Variants in VRK1 observed in about 807,000 individuals in gnomAD.
VRK1 encodes VRK serine/threonine kinase 1.
A neutral mutation model predicts 57.1 loss-of-function variants in VRK1; 33 were observed. That is an observed-to-expected ratio of 0.58 (90% CI 0.44 to 0.77). VRK1 has a LOEUF of 0.77. Among genes scored for constraint, VRK1 ranks in the 30% least tolerant of loss-of-function variants. The pLI, the probability that VRK1 is intolerant of heterozygous loss-of-function variation, is 0.00. For synonymous variants in VRK1, 137 were observed against 147.8 expected, an observed-to-expected ratio of 0.93 and a Z score of 0.53; for missense variants, 413 against 477.3, an observed-to-expected ratio of 0.87 and a Z score of 1.25.
At chr14:96,827,673 T>C (rs921703933) in intron 1 of VRK1, among the ~76,000 whole-genome samples, 1 of 152,216 alleles carries the variant, frequency 6.6e-6, no homozygotes, top group Non-Finnish European at 1.5e-5. Context: ...TAGTTCCATA[T>C]TCCTTCAAAT....
chr14:96,876,637 AG>A (rs1889042709), intron 12 of VRK1, among the ~76,000 whole-genome samples: 1 of 152,206 alleles, frequency 6.6e-6, no homozygotes, highest in African/African-American at 2.4e-5. Context: ...AGTGAGTGTC[AG>A]GGGTCAGACA....
At chr14:96,804,638 C>T (rs1454963317) in intron 1 of VRK1, among the ~76,000 whole-genome samples, 3 of 152,144 alleles carry the variant, frequency 2.0e-5, no homozygotes. Context: ...TAGGAAGGTG[C>T]TGTATATTCT....
chr14:96,876,380 G>T (rs1194846867), intron 12 of VRK1, among the ~76,000 whole-genome samples: 2 of 152,124 alleles, frequency 1.3e-5, no homozygotes, highest in African/African-American at 4.8e-5. Flanking sequence ...TTAAATGGCA[G>T]AGCTGCCAGG....
intron 1 of VRK1, among the ~76,000 whole-genome samples, chr14:96,808,803 T>A (rs1886029123): frequency 6.6e-6 from 1 of 152,222 alleles, no homozygotes; most frequent in Non-Finnish European, 1.5e-5. Context: ...TTTTGATTAT[T>A]GGTTATTGCG....
intron 1 of VRK1, among the ~76,000 whole-genome samples, chr14:96,798,254 A>G (rs1358423646): frequency 6.6e-6 from 1 of 152,182 alleles, no homozygotes; most frequent in East Asian, 1.9e-4. Flanking sequence ...TTGCAGCTCC[A>G]TTCAGGGGCA....
At chr14:96,849,663 A>G (rs1887871822) in intron 5 of VRK1, among the ~76,000 whole-genome samples, 1 of 152,218 alleles carries the variant, frequency 6.6e-6, no homozygotes, top group Non-Finnish European at 1.5e-5. Flanking sequence ...TAAGGGGCAC[A>G]GAGTAAGTGC....
At chr14:96,842,931 C>G (rs556196348) in intron 3 of VRK1, among the ~76,000 whole-genome samples, 1 of 152,124 alleles carries the variant, frequency 6.6e-6, no homozygotes. Flanking sequence ...TTAATGTGGA[C>G]GCTTTGTCAA....
chr14:96,799,807 C>T (rs528883066), intron 1 of VRK1, among the ~76,000 whole-genome samples: 6 of 152,216 alleles, frequency 3.9e-5, no homozygotes, highest in Admixed American at 2.0e-4. Context: ...GGTTATTTTT[C>T]GGAGTAAGGA....
intron 3 of VRK1, among the ~76,000 whole-genome samples, chr14:96,841,057 T>G (rs901520785): frequency 6.6e-6 from 1 of 151,932 alleles, no homozygotes; most frequent in Non-Finnish European, 1.5e-5. Flanking sequence ...GAGGTCTTGC[T>G]TTGTTGCCCA....
chr14:96,838,364 A>T (rs1008304116), intron 3 of VRK1, among the ~76,000 whole-genome samples: 3 of 152,176 alleles, frequency 2.0e-5, no homozygotes, highest in African/African-American at 7.2e-5. Flanking sequence ...CATACTTCTA[A>T]TAGCCAGATC....
chr14:96,856,583 C>A lies in VRK1; in HGVS notation c.886C>A (p.Pro296Thr). Reference sequence around the variant, plus strand: ...CAAATGTTTTCCTGAGAAAAACAAACCAGGTAGGAAATGACTTCTTCAGTG... The same window carrying A: ...CAAATGTTTTCCTGAGAAAAACAAAACAGGTAGGAAATGACTTCTTCAGTG... ...MDKCFPEKNK[P>T]GEIAKYMETV... is the part of the protein sequence containing the mutation. The change falls in exon 10 of 13, where the codon CCA (proline) becomes ACA (threonine). Residue 296 changes from proline (P) to threonine (T), a missense_variant. This residue lies in a region of VRK1 where 146 missense variants were observed against 138.2 expected (regional missense o/e 1.06). Transcript: ENST00000216639. 2 of 1,612,934 alleles carry A rather than the reference C, an allele frequency of 1.2e-6. No individual in the cohort carries two copies. The highest frequency in any genetic ancestry group is 1.7e-6 in the Non-Finnish European group (2 of 1,179,138).
chr14:96,804,039 A>G lies in VRK1; in HGVS notation c.-6+6592A>G, dbSNP rs751981626. Reference sequence around the variant, plus strand: ...AAGTTTCAAATTTTGTTAAAGTCCAACTTCTCAATATATGGATCGTGTTTT... The same window carrying G: ...AAGTTTCAAATTTTGTTAAAGTCCAGCTTCTCAATATATGGATCGTGTTTT... On this transcript the variant is annotated intron_variant, in intron 1 of 12. Transcript: ENST00000216639. Among the ~76,000 whole-genome samples, 15 of 152,304 alleles carry G rather than the reference A, an allele frequency of 9.8e-5. 1 individual carries two copies. The highest frequency in any genetic ancestry group is 3.1e-4 in the African/African-American group (13 of 41,566).
intron 3 of VRK1, among the ~76,000 whole-genome samples, chr14:96,845,096 C>T (rs1887627394): frequency 6.6e-6 from 1 of 152,134 alleles, no homozygotes; most frequent in Non-Finnish European, 1.5e-5. Flanking sequence ...CTCCAGTTAA[C>T]CAAGATATTC....
chr14:96,803,858 A>G (rs1358397463), intron 1 of VRK1, among the ~76,000 whole-genome samples: 1 of 151,938 alleles, frequency 6.6e-6, no homozygotes, highest in Admixed American at 6.6e-5. Flanking sequence ...CAAGTCTTTT[A>G]CCCGTTTTGT....
At chr14:96,824,937 GCC>G (rs1886745906) in intron 1 of VRK1, among the ~76,000 whole-genome samples, 1 of 152,172 alleles carries the variant, frequency 6.6e-6, no homozygotes, top group Admixed American at 6.5e-5. Flanking sequence ...ACAGGTGTGA[GCC>G]ACCGCACCCG....
intron 1 of VRK1, among the ~76,000 whole-genome samples, chr14:96,814,153 G>A (rs927479850): frequency 2.6e-5 from 4 of 152,138 alleles, no homozygotes; most frequent in African/African-American, 9.7e-5. Context: ...GCAAAAATAA[G>A]TGATCATATT....
At chr14:96,845,487 A>G (rs1887644316) in intron 3 of VRK1, among the ~76,000 whole-genome samples, 1 of 152,232 alleles carries the variant, frequency 6.6e-6, no homozygotes, top group African/African-American at 2.4e-5. Flanking sequence ...CATTGGTAGA[A>G]AACAATTGTT....
chr14:96,865,757 T>C (rs1888560730), intron 11 of VRK1, among the ~76,000 whole-genome samples: 1 of 149,056 alleles, frequency 6.7e-6, no homozygotes, highest in Non-Finnish European at 1.5e-5. Context: ...TGCTTAATTC[T>C]TCTGTTTTTT....
intron 11 of VRK1, among the ~76,000 whole-genome samples, chr14:96,863,161 T>C (rs1888455258): frequency 6.6e-6 from 1 of 152,188 alleles, no homozygotes; most frequent in South Asian, 2.1e-4. Context: ...AATTTTGGGA[T>C]GACATAAGGC....
Sources: allele counts gnomAD v4.1 joint callset (sites outside exome capture counted in the v4.1 genomes callset), GRCh38; gene constraint gnomAD v4.1.1; regional missense constraint gnomAD v4.1.1; transcripts MANE v1.5; gene names NCBI Gene and HGNC (gene_info 2026-07-23, HGNC 2026-07-21).